The following SMAP1 variants were observed in gnomAD, a reference collection of about 807,000 sequenced individuals.
SMAP1 encodes the protein stromal membrane-associated protein 1.
Under a neutral mutation model 58.5 loss-of-function variants are expected in SMAP1, and 24 were observed. That is an observed-to-expected ratio of 0.41 (90% CI 0.30 to 0.58). SMAP1 has a LOEUF of 0.58. SMAP1 is among the 20% of genes least tolerant of loss of function. The probability of loss-of-function intolerance (pLI) is 0.29; values close to 1 mark genes in which losing one functional copy is unlikely to be tolerated. For missense variants in SMAP1, 563 were observed against 566.3 expected (o/e 0.99, Z 0.06); for synonymous variants, 216 against 196.6 (o/e 1.10, Z -0.82).
At chr6:70,744,141 C>G (rs911762050) in intron 2 of SMAP1, among the ~76,000 whole-genome samples, 9 of 149,694 alleles carry the variant, frequency 6.0e-5, no homozygotes, top group African/African-American at 1.2e-4. Flanking sequence ...TAAGATGTTA[C>G]TTAGTGGAGG....
Position 70,732,522 on chromosome 6 carries a change from C to A in SMAP1, c.252+11C>A. The A allele has an allele frequency of 1.3e-6, 2 of 1,502,126 alleles. No individual in the cohort carries two copies. The highest frequency in any genetic ancestry group is 1.8e-6 in the Non-Finnish European group (2 of 1,124,952). 93.0% of individuals were successfully genotyped at this position (1,502,126 alleles called of 1,614,324 possible). On this transcript the variant is annotated intron_variant, in intron 2 of 10. Transcript: ENST00000370455. Reference sequence around the variant, plus strand: ...GCAGAACAGATACAGGTAAACATGACGTTACCAAGAAATTATTTAAAATAT... The same window carrying A: ...GCAGAACAGATACAGGTAAACATGAAGTTACCAAGAAATTATTTAAAATAT...
intron 1 of SMAP1, among the ~76,000 whole-genome samples, chr6:70,689,653 T>C (rs1010709627): frequency 3.3e-5 from 5 of 152,208 alleles, no homozygotes; most frequent in African/African-American, 1.2e-4. Context: ...GTAGATCCAT[T>C]TGAGAGAGAA....
chr6:70,844,782 T>TAA (rs1212048441), intron 7 of SMAP1, among the ~76,000 whole-genome samples: 1 of 152,232 alleles, frequency 6.6e-6, no homozygotes, highest in African/African-American at 2.4e-5. Flanking sequence ...AATCAAGTCT[T>TAA]GTGTTTTAAT....
At chr6:70,785,395 A>C (rs1291169731) in intron 4 of SMAP1, among the ~76,000 whole-genome samples, 1 of 152,230 alleles carries the variant, frequency 6.6e-6, no homozygotes, top group African/African-American at 2.4e-5. Context: ...TAAAAGAACT[A>C]GAAAAGCAAG....
At chr6:70,765,372 A>C (rs1766925460) in intron 3 of SMAP1, among the ~76,000 whole-genome samples, 1 of 152,220 alleles carries the variant, frequency 6.6e-6, no homozygotes, top group Non-Finnish European at 1.5e-5. Flanking sequence ...TTCTGGTCAC[A>C]AATATATGAC....
At chr6:70,773,285 G>GC in intron 3 of SMAP1, 65 bp from the exon 4 acceptor site, 1 of 930,874 alleles carries the variant, frequency 1.1e-6, no homozygotes, top group South Asian at 1.6e-5. Context: ...TTGTGGAGTG[G>GC]CGTGAATAAA....
chr6:70,675,777 GAGAAAAGAGTTAACAAAGC>G (rs1245764773), intron 1 of SMAP1, among the ~76,000 whole-genome samples: 1 of 152,202 alleles, frequency 6.6e-6, no homozygotes, highest in Non-Finnish European at 1.5e-5. Context: ...CATTGGTGTG[GAGAAAAGAGTTAACAAAGC>G]AGGCCTTGCG....
rs12191506 is a variant in SMAP1, at chr6:70,685,172, G to A, written c.118+17031G>A. Among the ~76,000 whole-genome samples, 756 of 152,188 alleles carry A rather than the reference G, an allele frequency of 5.0e-3. 3 individuals are homozygous for A. Among genetic ancestry groups the A allele is most frequent in the Non-Finnish European group, 8.3e-3 (565 of 68,018 alleles). On this transcript the variant is annotated intron_variant, in intron 1 of 10. Coordinates refer to ENST00000370455, the MANE Select transcript of SMAP1 (RefSeq NM_001044305.3). Reference sequence around the variant, plus strand: ...ACTCATTCACTTTATTACTTTGCAGGAAGCATTTGTGAATTATATTTTGTT... The same window carrying A: ...ACTCATTCACTTTATTACTTTGCAGAAAGCATTTGTGAATTATATTTTGTT...
intron 3 of SMAP1, among the ~76,000 whole-genome samples, chr6:70,761,640 C>T (rs1335843958): frequency 1.3e-5 from 2 of 151,974 alleles, no homozygotes; most frequent in Non-Finnish European, 1.5e-5. Flanking sequence ...TGGACCCTAT[C>T]TTTTAAGTGA....
At chr6:70,805,934 G>A (rs777144502) in intron 6 of SMAP1, among the ~76,000 whole-genome samples, 2 of 152,188 alleles carry the variant, frequency 1.3e-5, no homozygotes, top group Non-Finnish European at 2.9e-5. Flanking sequence ...CTACTGGGAG[G>A]TATCTCCCAG....
chr6:70,811,473 G>A (rs536352089), intron 6 of SMAP1, among the ~76,000 whole-genome samples: 13 of 152,154 alleles, frequency 8.5e-5, no homozygotes, highest in Admixed American at 5.2e-4. Context: ...CCTGTTACGC[G>A]ATCCTCGGGA....
At chr6:70,712,611 C>T (rs913438126) in intron 1 of SMAP1, among the ~76,000 whole-genome samples, 2 of 152,064 alleles carry the variant, frequency 1.3e-5, no homozygotes, top group African/African-American at 4.8e-5. Flanking sequence ...TCTTTCATCT[C>T]TATTTGTAAT....
chr6:70,688,741 A>G (rs557926678), intron 1 of SMAP1, among the ~76,000 whole-genome samples: 2 of 152,338 alleles, frequency 1.3e-5, no homozygotes, highest in African/African-American at 2.4e-5. Flanking sequence ...TTAACTTTAC[A>G]TCCTCTTCAC....
In SMAP1 at chr6:70,779,830, G is replaced by A. The variant is rs1232334234; in HGVS notation, c.414+6405G>A. Among the ~76,000 whole-genome samples, 4 of 152,214 alleles carry A rather than the reference G, an allele frequency of 2.6e-5. No homozygotes were observed. In the East Asian group the frequency reaches 5.8e-4, roughly 22 times the overall value. On this transcript the variant is annotated intron_variant, in intron 4 of 10. Coordinates refer to ENST00000370455, the MANE Select transcript of SMAP1 (RefSeq NM_001044305.3). Reference sequence around the variant, plus strand: ...CGTGATGATCTGAGGTGGAGCTGAAGCAGTGATGCTAGTGCTGGGGAGTGG... The same window carrying A: ...CGTGATGATCTGAGGTGGAGCTGAAACAGTGATGCTAGTGCTGGGGAGTGG...
At chr6:70,744,537 G>A (rs1242826756) in intron 2 of SMAP1, among the ~76,000 whole-genome samples, 1 of 152,288 alleles carries the variant, frequency 6.6e-6, no homozygotes, top group East Asian at 1.9e-4. Context: ...ATTCCATGGT[G>A]TACATATGCC....
At chr6:70,857,617 A>G (rs1489917082) in intron 9 of SMAP1, 1 of 322,570 alleles carries the variant, frequency 3.1e-6, no homozygotes, top group Non-Finnish European at 5.8e-6. Context: ...ATCAGCAATA[A>G]AACAGTGTAT....
chr6:70,675,426 G>T (rs1048292981), intron 1 of SMAP1, among the ~76,000 whole-genome samples: 1 of 151,444 alleles, frequency 6.6e-6, no homozygotes, highest in Non-Finnish European at 1.5e-5. Context: ...CGAGGTGGGT[G>T]GATCACCTGA....
intron 1 of SMAP1, among the ~76,000 whole-genome samples, chr6:70,727,348 A>G (rs1005206339): frequency 6.6e-6 from 1 of 152,186 alleles, no homozygotes; most frequent in African/African-American, 2.4e-5. Context: ...GCCTTAAGTT[A>G]TCTGCCCACC....
chr6:70,772,066 T>C (rs1195337915), intron 3 of SMAP1, among the ~76,000 whole-genome samples: 1 of 152,180 alleles, frequency 6.6e-6, no homozygotes, highest in Non-Finnish European at 1.5e-5. Flanking sequence ...CTGGGCCATT[T>C]AGACATGTGA....
Sources: allele counts gnomAD v4.1 joint callset (sites outside exome capture counted in the v4.1 genomes callset), GRCh38; gene constraint gnomAD v4.1.1; transcripts MANE v1.5; gene names NCBI Gene and HGNC (gene_info 2026-07-23, HGNC 2026-07-21).